Variants in UGT1A9 observed in about 807,000 individuals in gnomAD.
UGT1A9 encodes the protein UDP-glucuronosyltransferase 1A9.
UGT1A9 carries 35 observed loss-of-function variants against 45.0 expected under a neutral mutation model. That is an observed-to-expected ratio of 0.78 (90% confidence interval 0.59 to 1.03). The LOEUF is 1.03. Among genes scored for constraint, UGT1A9 ranks in the 50% least tolerant of loss-of-function variants. The pLI is 0.00. For missense variants in UGT1A9, 687 were observed against 666.6 expected (o/e 1.03, Z -0.34); for synonymous variants, 278 against 250.6 (o/e 1.11, Z -1.03).
chr2:233,754,525 G>T (rs1133497), intron 1 of UGT1A9: 18 of 367,412 alleles, frequency 4.9e-5, no homozygotes, highest in East Asian at 2.2e-4. Flanking sequence ...GTGCTTAAAG[G>T]CAAATGTGGA....
At chr2:233,730,669 A>T (rs1310479965) in intron 1 of UGT1A9, among the ~76,000 whole-genome samples, 1 of 152,122 alleles carries the variant, frequency 6.6e-6, no homozygotes, top group African/African-American at 2.4e-5. Flanking sequence ...CGGAAGGCAA[A>T]GTAATGGTTG....
intron 1 of UGT1A9, among the ~76,000 whole-genome samples, chr2:233,731,588 T>C (rs2078180230): frequency 6.6e-6 from 1 of 152,212 alleles, no homozygotes; most frequent in African/African-American, 2.4e-5. Flanking sequence ...TACAGCTTTG[T>C]CCATCTCCCT....
chr2:233,730,024 T>A (rs1022627544), intron 1 of UGT1A9: 1 of 1,613,646 alleles, frequency 6.2e-7, no homozygotes, highest in Non-Finnish European at 8.5e-7. Flanking sequence ...CCAATCAATG[T>A]TCCAGGCAAA....
intron 1 of UGT1A9, among the ~76,000 whole-genome samples, chr2:233,700,703 TG>T (rs1389995736): frequency 6.6e-6 from 1 of 152,072 alleles, no homozygotes; most frequent in Non-Finnish European, 1.5e-5. Context: ...ACACTTTGAA[TG>T]TTTTTTTCTT....
Position 233,719,056 on chromosome 2 carries a change from C to A in UGT1A9, c.855+46267C>A, listed in dbSNP as rs772884705. ...GAAGAGAAATTTTTCACCCTGACAGCCTATGCTGTTCCATGGACCCAGAAG... is the reference window on the plus strand; with the variant it reads ...GAAGAGAAATTTTTCACCCTGACAGACTATGCTGTTCCATGGACCCAGAAG... On this transcript the variant is annotated intron_variant, in intron 1 of 4. Transcript: ENST00000354728. 197 of 1,614,166 alleles carry A rather than the reference C, an allele frequency of 1.2e-4. 1 individual carries two copies. The highest frequency in any genetic ancestry group is 1.6e-4 in the Non-Finnish European group (189 of 1,180,058).
intron 1 of UGT1A9, among the ~76,000 whole-genome samples, chr2:233,730,265 T>C (rs547052963): frequency 2.0e-5 from 3 of 152,104 alleles, no homozygotes; most frequent in East Asian, 3.9e-4. Context: ...AGACTGTTGG[T>C]TTGTAAAGGC....
intron 1 of UGT1A9, among the ~76,000 whole-genome samples, chr2:233,685,706 A>G (rs2074750589): frequency 6.6e-6 from 1 of 152,238 alleles, no homozygotes; most frequent in Non-Finnish European, 1.5e-5. Context: ...AATAATTTTC[A>G]ATATCTTGCT....
chr2:233,756,289 G>GTATT (rs914898578), intron 1 of UGT1A9: 1 of 152,128 alleles, frequency 6.6e-6, no homozygotes, highest in African/African-American at 2.4e-5. Context: ...AAATGACACA[G>GTATT]TATTTGTATA....
At chr2:233,747,630 C>G in intron 1 of UGT1A9, 1 of 1,577,990 alleles carries the variant, frequency 6.3e-7, no homozygotes, top group Non-Finnish European at 8.7e-7. Flanking sequence ...CCTGATCAGG[C>G]ACCTGAATGC....
intron 1 of UGT1A9, among the ~76,000 whole-genome samples, chr2:233,728,655 C>T (rs928027852): frequency 5.3e-5 from 8 of 152,140 alleles, no homozygotes; most frequent in East Asian, 1.9e-4. Flanking sequence ...TTTTTGGATG[C>T]GCTGCGTTAC....
intron 1 of UGT1A9, among the ~76,000 whole-genome samples, chr2:233,714,873 C>T (rs1233346677): frequency 6.8e-6 from 1 of 147,574 alleles, no homozygotes; most frequent in South Asian, 2.2e-4. Context: ...AAAATTCTAT[C>T]TTTTAAATTT....
intron 1 of UGT1A9, among the ~76,000 whole-genome samples, chr2:233,750,222 G>A (rs1326774834): frequency 6.6e-6 from 1 of 151,918 alleles, no homozygotes; most frequent in Non-Finnish European, 1.5e-5. Flanking sequence ...AGATGGAGAT[G>A]AGGAACTTAT....
chr2:233,701,261 T>TCAAAGG (rs978428672), intron 1 of UGT1A9, among the ~76,000 whole-genome samples: 1 of 152,156 alleles, frequency 6.6e-6, no homozygotes, highest in African/African-American at 2.4e-5. Context: ...GGTCAAATGG[T>TCAAAGG]ATTTCTAGTT....
At chr2:233,677,987 TA>T (rs1292302643) in intron 1 of UGT1A9, among the ~76,000 whole-genome samples, 2 of 152,002 alleles carry the variant, frequency 1.3e-5, no homozygotes, top group East Asian at 3.8e-4. Flanking sequence ...TATGCAGCCA[TA>T]AAAAAAGAAT....
chr2:233,756,339 T>G (rs1013422836), intron 1 of UGT1A9: 3 of 152,244 alleles, frequency 2.0e-5, no homozygotes, highest in Non-Finnish European at 4.4e-5. Context: ...TAGTCATCTC[T>G]TGATTACTTT....
In UGT1A9 at chr2:233,672,688, T is replaced by C. The variant is rs779786786; in HGVS notation, c.754T>C (p.Leu252=). 16 of 1,613,944 alleles carry C rather than the reference T, an allele frequency of 9.9e-6. No individual in the cohort carries two copies. Among genetic ancestry groups the C allele is most frequent in the Non-Finnish European group, 1.4e-5 (16 of 1,179,850 alleles). The change falls in exon 1 of 5, where the codon TTG becomes CTG. Residue 252 remains leucine (L), a synonymous_variant. Coordinates refer to ENST00000354728, the MANE Select transcript of UGT1A9 (RefSeq NM_021027.3). ...TCTCTACAGCCACACATCAATTTGG[T>C]TGTTGCGAACGGACTTTGTTTTGGA... ...YDLYSHTSIW[L]LRTDFVLDYP...
chr2:233,700,381 G>T (rs1575468100), intron 1 of UGT1A9, among the ~76,000 whole-genome samples: 1 of 152,232 alleles, frequency 6.6e-6, no homozygotes, highest in East Asian at 1.9e-4. Context: ...GGCATTTCCA[G>T]GCATGTGGAA....
At chr2:233,698,345 A>G (rs2075437206) in intron 1 of UGT1A9, among the ~76,000 whole-genome samples, 1 of 152,242 alleles carries the variant, frequency 6.6e-6, no homozygotes, top group African/African-American at 2.4e-5. Flanking sequence ...TCAGTTGCAA[A>G]ACATGAATGT....
chr2:233,682,007 A>G (rs1352564379), intron 1 of UGT1A9: 14 of 1,614,026 alleles, frequency 8.7e-6, no homozygotes, highest in South Asian at 2.2e-5. Context: ...TGGCTTTGCC[A>G]AGGCAGGGAA....
Sources: allele counts gnomAD v4.1 joint callset (sites outside exome capture counted in the v4.1 genomes callset), GRCh38; gene constraint gnomAD v4.1.1; transcripts MANE v1.5; gene names NCBI Gene and HGNC (gene_info 2026-07-23, HGNC 2026-07-21).